MRPS27: variants seen among roughly 807,000 people sequenced by gnomAD.
MRPS27 encodes the protein mitochondrial ribosomal protein S27, also known as small ribosomal subunit protein mS27.
MRPS27 carries 43 observed loss-of-function variants against 48.9 expected under a neutral mutation model. The observed-to-expected ratio is 0.88, with a 90% CI of 0.69 to 1.13. MRPS27 has a LOEUF of 1.13. Ranked by LOEUF, MRPS27 falls within the 50% of genes most tolerant of loss-of-function variation. MRPS27 has a pLI of 0.00. For missense variants in MRPS27, 467 were observed against 476.3 expected (o/e 0.98, Z 0.18); for synonymous variants, 188 against 171.9 (o/e 1.09, Z -0.73).
intron 4 of MRPS27, among the ~76,000 whole-genome samples, chr5:72,267,936 G>A (rs991756405): frequency 6.6e-6 from 1 of 152,026 alleles, no homozygotes; most frequent in Admixed American, 6.6e-5. Context: ...TCTGCAAGTA[G>A]AGCCCAAACA....
In MRPS27 at chr5:72,220,766, G is replaced by T; in HGVS notation, c.*143C>A. 1.6e-6 allele frequency: 2 copies of T among 1,225,368 alleles called. No individual in the cohort carries two copies. The highest frequency in any genetic ancestry group is 1.1e-6 in the Non-Finnish European group (1 of 876,112). The allele number at this position is 1,225,368 out of a possible 1,614,324, so 75.9% of individuals were successfully genotyped here. ...TGGCATCTCGATGGGCAGTCATGGT[G>T]CCTTGCCATGTAGGGCACATAGCCT... On this transcript the variant is annotated 3_prime_UTR_variant, in exon 11 of 11. Coordinates refer to ENST00000261413, the MANE Select transcript of MRPS27 (RefSeq NM_015084.3).
intron 4 of MRPS27, among the ~76,000 whole-genome samples, chr5:72,267,529 C>G (rs959517568): frequency 2.6e-5 from 4 of 152,184 alleles, no homozygotes; most frequent in African/African-American, 7.2e-5. Context: ...AATGTATACA[C>G]AGTCAGGATT....
chr5:72,296,693 C>G (rs1169942406), intron 3 of MRPS27, among the ~76,000 whole-genome samples: 1 of 152,122 alleles, frequency 6.6e-6, no homozygotes, highest in Non-Finnish European at 1.5e-5. Flanking sequence ...AACTTACGAA[C>G]AGTAAAATTA....
chr5:72,232,799 T>C (rs568207097), intron 6 of MRPS27, among the ~76,000 whole-genome samples: 18 of 152,260 alleles, frequency 1.2e-4, no homozygotes, highest in African/African-American at 4.3e-4. Context: ...TGCACCAACG[T>C]CCTGAAGGAC....
intron 4 of MRPS27, among the ~76,000 whole-genome samples, chr5:72,278,722 A>G (rs1749452001): frequency 6.6e-6 from 1 of 152,120 alleles, no homozygotes; most frequent in Non-Finnish European, 1.5e-5. Context: ...TATTATATGT[A>G]CGATATTTCA....
chr5:72,237,447 C>A (rs1046007049), intron 5 of MRPS27, among the ~76,000 whole-genome samples: 2 of 152,094 alleles, frequency 1.3e-5, no homozygotes, highest in African/African-American at 4.8e-5. Context: ...GACGTAATAC[C>A]TTTTCATAAA....
intron 6 of MRPS27, among the ~76,000 whole-genome samples, chr5:72,233,009 C>G (rs1325157127): frequency 6.6e-6 from 1 of 152,138 alleles, no homozygotes; most frequent in East Asian, 1.9e-4. Context: ...CAAGGTCACC[C>G]TGACAGGCAG....
At chr5:72,259,692 C>T (rs1294248985) in intron 4 of MRPS27, among the ~76,000 whole-genome samples, 2 of 152,094 alleles carry the variant, frequency 1.3e-5, no homozygotes, top group Admixed American at 6.6e-5. Flanking sequence ...TAATGATAAA[C>T]ATTTGTTCAA....
chr5:72,305,785 TCC>T (rs773850517), intron 2 of MRPS27, among the ~76,000 whole-genome samples: 10 of 152,326 alleles, frequency 6.6e-5, no homozygotes, highest in Admixed American at 2.0e-4. Flanking sequence ...CCTACCCAGT[TCC>T]CCAGTGGTTT....
intron 4 of MRPS27, among the ~76,000 whole-genome samples, chr5:72,293,800 A>G (rs1749902778): frequency 6.6e-6 from 1 of 152,180 alleles, no homozygotes; most frequent in African/African-American, 2.4e-5. Context: ...ATTCTAAAAA[A>G]CAGTTTATAT....
intron 4 of MRPS27, among the ~76,000 whole-genome samples, chr5:72,278,034 C>T (rs1013884903): frequency 2.6e-5 from 4 of 152,054 alleles, no homozygotes; most frequent in South Asian, 4.2e-4. Flanking sequence ...AACCACTGGG[C>T]ACATGTTTAT....
At chr5:72,249,764 G>A (rs1327686548) in intron 4 of MRPS27, among the ~76,000 whole-genome samples, 3 of 151,618 alleles carry the variant, frequency 2.0e-5, no homozygotes, top group Non-Finnish European at 4.4e-5. Flanking sequence ...GGTGGATCAC[G>A]AGGTCAGGAG....
rs1022538056 is a variant in MRPS27 at position 72,219,887 on chromosome 5, T to A, written c.*1022A>T. The A allele has an allele frequency of 6.6e-6, 1 of 151,840 alleles. No homozygotes were observed. Among genetic ancestry groups the A allele is most frequent in the Non-Finnish European group, 1.5e-5 (1 of 67,894 alleles). 9.4% of individuals were successfully genotyped at this position (151,840 alleles called of 1,614,324 possible). ...GGGAAAAAAAAAATTGGAAAAAAAATGTTACCCCAACACGATGGAGAAGCC... is the reference window on the plus strand; with the variant it reads ...GGGAAAAAAAAAATTGGAAAAAAAAAGTTACCCCAACACGATGGAGAAGCC... On this transcript the variant is annotated 3_prime_UTR_variant, in exon 11 of 11. Transcript: ENST00000261413.
chr5:72,312,808 C>G lies in MRPS27; in HGVS notation c.151+1273G>C, dbSNP rs569575158. On this transcript the variant is annotated intron_variant, in intron 2 of 10. Coordinates refer to ENST00000261413, the MANE Select transcript of MRPS27 (RefSeq NM_015084.3). ...GCTAATTTTTGTATTTTTTAACAGA[C>G]GGGGTTTCATCATCTTGGCCAGGTT... Among the ~76,000 whole-genome samples, 9 of 151,906 alleles carry G rather than the reference C, an allele frequency of 5.9e-5. No homozygotes were observed. In the East Asian group the frequency reaches 1.7e-3, roughly 29 times the overall value.
intron 4 of MRPS27, among the ~76,000 whole-genome samples, chr5:72,261,513 A>C (rs995268774): frequency 7.1e-4 from 105 of 147,118 alleles, no homozygotes; most frequent in African/African-American, 2.8e-3. Context: ...ATAGACTCAC[A>C]GGAAAAAAAA....
chr5:72,283,364 T>G lies in MRPS27; in HGVS notation c.281+12167A>C, dbSNP rs77043085. The stretch of plus-strand genomic sequence containing the variant: ...CAAAATGTTCATTGAGTCTGTATCT[T>G]TTGGTATATTACTGAAACTGCTTAG... On this transcript the variant is annotated intron_variant, in intron 4 of 10. Transcript: ENST00000261413. 3.7e-3 allele frequency among the ~76,000 whole-genome samples: 567 copies of G among 152,318 alleles called. 1 individual carries two copies. The highest frequency in any genetic ancestry group is 0.013 in the African/African-American group (551 of 41,578).
intron 4 of MRPS27, among the ~76,000 whole-genome samples, chr5:72,239,713 T>C (rs1377819136): frequency 6.6e-6 from 1 of 152,170 alleles, no homozygotes; most frequent in Non-Finnish European, 1.5e-5. Context: ...GGTCTCACTG[T>C]CACCCAGGAT....
intron 4 of MRPS27, among the ~76,000 whole-genome samples, chr5:72,273,523 C>T (rs570002439): frequency 3.3e-5 from 5 of 152,158 alleles, no homozygotes; most frequent in East Asian, 1.9e-4. Context: ...CTAGGCCATA[C>T]GCTATAGCCT....
At chr5:72,310,669 C>A (rs938304688) in intron 2 of MRPS27, among the ~76,000 whole-genome samples, 3 of 152,116 alleles carry the variant, frequency 2.0e-5, no homozygotes, top group African/African-American at 7.2e-5. Flanking sequence ...ACTTTGCAAC[C>A]ATTATAGTAA....
Sources: gnomAD v4.1 joint callset for allele counts (sites outside exome capture counted in the v4.1 genomes callset) on GRCh38, gnomAD v4.1.1 for gene constraint, MANE v1.5 for transcripts, NCBI Gene and HGNC (gene_info 2026-07-23, HGNC 2026-07-21) for gene names.